The following RBCK1 variants were observed in gnomAD, a reference collection of about 807,000 sequenced individuals.
RBCK1 encodes the protein RANBP2-type and C3HC4-type zinc finger containing 1.
RBCK1 carries 44 observed loss-of-function variants against 71.1 expected under a neutral mutation model. The ratio of observed to expected loss-of-function variants is 0.62; its 90% confidence interval spans 0.49 to 0.80. The LOEUF (loss-of-function observed/expected upper bound fraction) is 0.80. RBCK1 is among the 30% of genes least tolerant of loss of function. The pLI is 0.00. For synonymous variants in RBCK1, 306 were observed against 279.7 expected, an observed-to-expected ratio of 1.09 and a Z score of -0.94; for missense variants, 569 against 685.0, an observed-to-expected ratio of 0.83 and a Z score of 1.89.
intron 8 of RBCK1, among the ~76,000 whole-genome samples, chr20:423,952 T>C (rs1187802234): frequency 1.3e-5 from 2 of 152,176 alleles, no homozygotes; most frequent in African/African-American, 4.8e-5. Flanking sequence ...GGTCTCAAGG[T>C]TCCAAGAGCA....
chr20:419,702 G>A lies in RBCK1; in HGVS notation c.727G>A (p.Glu243Lys). 1 of 1,570,246 alleles carries A rather than the reference G, an allele frequency of 6.4e-7. No homozygotes were observed. Among genetic ancestry groups the A allele is most frequent in the South Asian group, 1.2e-5 (1 of 86,302 alleles). Residue 243 changes from glutamate to lysine, a missense_variant, in exon 6 of 12, where the codon GAG becomes AAG. Coordinates refer to ENST00000356286, the MANE Select transcript of RBCK1 (RefSeq NM_031229.4). Reference sequence around the variant, plus strand: ...GGAGGAGCGAGCGCGCCTGGCGGGCGAGGAGGAGGCGCTGCGTCAGTACCA... The same window carrying A: ...GGAGGAGCGAGCGCGCCTGGCGGGCAAGGAGGAGGCGCTGCGTCAGTACCA... ...DEEERARLAG[E>K]EEALRQYQQR...
chr20:420,162 C>T (rs2016296226), intron 6 of RBCK1: 3 of 985,100 alleles, frequency 3.0e-6, no homozygotes, highest in South Asian at 4.7e-5. Flanking sequence ...ACCCTGGACT[C>T]TCCTACTCCT....
At chr20:408,919 TC>T (rs2015534598) in intron 1 of RBCK1, 140 bp downstream of exon 1, 3 of 1,065,400 alleles carry the variant, frequency 2.8e-6, no homozygotes, top group Non-Finnish European at 4.1e-6. Flanking sequence ...ATCAGTTTCC[TC>T]CTTTGGTACC....
intron 1 of RBCK1, among the ~76,000 whole-genome samples, 172 bp downstream of exon 1, chr20:408,951 T>A (rs117693373): frequency 1.4e-3 from 219 of 152,330 alleles, no homozygotes; most frequent in Non-Finnish European, 2.0e-3. Context: ...CAGAGCCATC[T>A]TGGGGCCCTG....
intron 11 of RBCK1, among the ~76,000 whole-genome samples, chr20:429,453 C>A (rs571996386): frequency 3.3e-5 from 5 of 152,118 alleles, no homozygotes; most frequent in Admixed American, 3.3e-4. Flanking sequence ...CTCAAATTCC[C>A]GACCGCAGGT....
chr20:414,712 G>T (rs2015891850), intron 2 of RBCK1, among the ~76,000 whole-genome samples: 1 of 152,254 alleles, frequency 6.6e-6, no homozygotes, highest in African/African-American at 2.4e-5. Context: ...TTTGATTATG[G>T]AAATATTATT....
At chr20:427,643 A>C in intron 9 of RBCK1, 151 bp downstream of exon 9, 1 of 874,594 alleles carries the variant, frequency 1.1e-6, no homozygotes, top group Non-Finnish European at 1.7e-6. Context: ...GTGTGGCTTG[A>C]GCCTGAACTG....
chr20:413,435 C>G (rs1045172682), intron 2 of RBCK1, among the ~76,000 whole-genome samples: 7 of 152,086 alleles, frequency 4.6e-5, no homozygotes, highest in African/African-American at 1.7e-4. Flanking sequence ...TGAGACAGTA[C>G]CTGTGTACTC....
At chr20:426,895 G>T (rs1004768165) in intron 8 of RBCK1, among the ~76,000 whole-genome samples, 3 of 135,228 alleles carry the variant, frequency 2.2e-5, no homozygotes, top group Non-Finnish European at 4.5e-5. Context: ...CATCAGTCAT[G>T]GCTCACTGCA....
chr20:429,074 G>C lies in RBCK1; in HGVS notation c.1432G>C (p.Gly478Arg). ...CACCGAGATCTGCTGGGTCACCAAG[G>C]GCCCACGCTGGGGCCCTGGGGTGAG... ...CHTEICWVTK[G>R]PRWGPGGPGD... The change falls in exon 11 of 12, where the codon GGC becomes CGC. Residue 478 changes from glycine (G) to arginine (R), a missense_variant. By Grantham distance (125) the Gly-to-Arg change is moderately radical. This residue lies in a region of RBCK1 where 211 missense variants were observed against 309.4 expected (regional missense o/e 0.68). Coordinates refer to ENST00000356286, the MANE Select transcript of RBCK1 (RefSeq NM_031229.4). The C allele has an allele frequency of 2.5e-6, 4 of 1,612,958 alleles. No individual in the cohort carries two copies. Among genetic ancestry groups the C allele is most frequent in the Non-Finnish European group, 3.4e-6 (4 of 1,179,782 alleles).
In RBCK1 at chr20:417,388, C is replaced by G; in HGVS notation, c.168-138C>G. 1 of 822,914 alleles carries G rather than the reference C, an allele frequency of 1.2e-6. No homozygotes were observed. Among genetic ancestry groups the G allele is most frequent in the Non-Finnish European group, 2.1e-6 (1 of 479,286 alleles). The allele number at this position is 822,914 out of a possible 1,614,324, so 51.0% of individuals were successfully genotyped here. The stretch of plus-strand genomic sequence containing the variant: ...AAGCATGGGTGGGGCCTACCCCAGA[C>G]TGGGGTTTGTGTGTGTGTGTGTGTG... On this transcript the variant is annotated intron_variant, in intron 2 of 11. Transcript: ENST00000356286. The surrounding 1 kb of genome is among the most constrained non-coding windows in gnomAD (Gnocchi z 4.7).
At chr20:427,266 G>A (rs1294972082) in intron 8 of RBCK1, 47 bp from the exon 9 acceptor site, 1 of 1,593,890 alleles carries the variant, frequency 6.3e-7, no homozygotes, top group South Asian at 1.1e-5. Flanking sequence ...AGGGTCATAT[G>A]TCAGGTGTTC....
chr20:410,109 G>A (rs954357794), intron 2 of RBCK1, 84 bp downstream of exon 2: 24 of 1,465,954 alleles, frequency 1.6e-5, no homozygotes, highest in African/African-American at 4.2e-5. Flanking sequence ...CTAATGGCAC[G>A]TTCTGGCTTC....
At position 417,298 on chromosome 20, in the gene RBCK1, A is replaced by G. The variant is rs762176396; in HGVS notation, c.168-228A>G. The stretch of plus-strand genomic sequence containing the variant: ...ATGGAGGCCCTCGTGTGCTGCCACG[A>G]GTTGATTCTAAGAGTAGCGTGGAGC... On this transcript the variant is annotated intron_variant, in intron 2 of 11. Coordinates refer to ENST00000356286, the MANE Select transcript of RBCK1 (RefSeq NM_031229.4). This position sits in a 1 kb window ranked among gnomAD's most constrained non-coding sequence, Gnocchi z 4.7. 3.5e-5 allele frequency: 25 copies of G among 708,466 alleles called. No individual in the cohort carries two copies. The highest frequency in any genetic ancestry group is 3.4e-4 in the South Asian group (24 of 69,930). The allele number at this position is 708,466 out of a possible 1,614,324, so 43.9% of individuals were successfully genotyped here. A position where few individuals can be genotyped will look rare whatever the true frequency, so the allele number is the denominator to read the frequency against.
chr20:420,105 C>T (rs1426651157), intron 6 of RBCK1: 1 of 984,564 alleles, frequency 1.0e-6, no homozygotes, highest in East Asian at 1.1e-4. Flanking sequence ...TCGGACCTCA[C>T]CCCCACCCGT....
In RBCK1 at chr20:424,462, A is replaced by G. The variant is rs114263153; in HGVS notation, c.1029+2224A>G. 6.4e-3 allele frequency among the ~76,000 whole-genome samples: 969 copies of G among 152,046 alleles called. 10 individuals carry two copies. The highest frequency in any genetic ancestry group is 0.023 in the African/African-American group (938 of 41,454). On this transcript the variant is annotated intron_variant, in intron 8 of 11. Coordinates refer to ENST00000356286, the MANE Select transcript of RBCK1 (RefSeq NM_031229.4). ...CCCCCTGCCTCTCTCCTATGCCCCT[A>G]TTTCTCCTGAGAATGCTCCCAACTT...
chr20:421,248 C>T (rs913566878), intron 7 of RBCK1, among the ~76,000 whole-genome samples: 3 of 152,208 alleles, frequency 2.0e-5, no homozygotes, highest in African/African-American at 7.2e-5. Context: ...GAGAAGCAGC[C>T]TAGACGTGAG....
Position 428,785 on chromosome 20 carries a change from C to G in RBCK1, c.1309-166C>G. The G allele has an allele frequency of 7.0e-7, 1 of 1,428,368 alleles. No homozygotes were observed. 88.5% of individuals were successfully genotyped at this position (1,428,368 alleles called of 1,614,324 possible). A position where few individuals can be genotyped will look rare whatever the true frequency, so the allele number is the denominator to read the frequency against. ...AGAGCGTCTGGGTGGAGGGTGGAGA[C>G]CACAGGAATGAAGAGGGGGTTGCTG... is the stretch of plus-strand genomic sequence containing the variant. On this transcript the variant is annotated intron_variant, in intron 10 of 11. Coordinates refer to ENST00000356286, the MANE Select transcript of RBCK1 (RefSeq NM_031229.4). This position sits in a 1 kb window ranked among gnomAD's most constrained non-coding sequence, Gnocchi z 5.7.
At chr20:424,561 G>T (rs972312432) in intron 8 of RBCK1, among the ~76,000 whole-genome samples, 4 of 152,186 alleles carry the variant, frequency 2.6e-5, no homozygotes, top group African/African-American at 9.7e-5. Context: ...AGAACTTTGG[G>T]AGTTCACAGC....
Sources: allele counts gnomAD v4.1 joint callset (sites outside exome capture counted in the v4.1 genomes callset), GRCh38; gene constraint gnomAD v4.1.1; regional missense constraint gnomAD v4.1.1; non-coding constraint Gnocchi (gnomAD v3.1); transcripts MANE v1.5; gene names NCBI Gene and HGNC (gene_info 2026-07-23, HGNC 2026-07-21).